The following HEXD variants were observed in gnomAD, a reference collection of about 807,000 sequenced individuals.
The protein encoded by HEXD is hexosaminidase D.
Under a neutral mutation model 54.2 loss-of-function variants are expected in HEXD, and 47 were observed. That is an observed-to-expected ratio of 0.87 (90% CI 0.69 to 1.11). The LOEUF (loss-of-function observed/expected upper bound fraction) is 1.11, where lower values mean the gene tolerates loss of function less well. HEXD is among the 50% of genes least tolerant of loss of function. The probability of loss-of-function intolerance (pLI) is 0.00; values close to 1 mark genes in which losing one functional copy is unlikely to be tolerated. For missense variants in HEXD, 576 were observed against 649.2 expected (o/e 0.89, Z 1.23); for synonymous variants, 293 against 287.6 (o/e 1.02, Z -0.19).
Position 82,424,406 on chromosome 17 carries a change from T to A in HEXD, c.97T>A (p.Phe33Ile). The stretch of plus-strand genomic sequence containing the variant: ...GTTTACCCCCCAGATTTTTCCTCTG[T>A]TCCGTGCGCTAGGTGCAAACGGCCT... ...VSYLSEIFPL[F>I]RALGANGLLI... The change falls in exon 3 of 13, where the codon TTC becomes ATC. Residue 33 changes from phenylalanine (F) to isoleucine (I), a missense_variant. Physicochemically the swap from Phe to Ile is conservative, Grantham distance 21. Transcript: ENST00000327949. 1 of 1,613,752 alleles carries A rather than the reference T, an allele frequency of 6.2e-7. No individual in the cohort carries two copies. The highest frequency in any genetic ancestry group is 1.1e-5 in the South Asian group (1 of 91,072).
At position 82,442,303 on chromosome 17, in the gene HEXD, T is replaced by C. The variant is rs1486044833; in HGVS notation, c.1380T>C (p.Ala460=). The change falls in exon 13 of 13, where the codon GCT becomes GCC. Residue 460 remains alanine (A), a synonymous_variant. Coordinates refer to ENST00000327949, the MANE Select transcript of HEXD (RefSeq NM_001330542.2). This position sits in a 1 kb window ranked among gnomAD's most constrained non-coding sequence, Gnocchi z 6.8. ...NVHPSLQRLQ[A]LLQDLSEVSA... ...ACCCCAGCCTGCAGCGGCTGCAAGC[T>C]CTGCTGCAGGACCTCAGCGAGGTGT... The C allele has an allele frequency of 1.9e-6, 3 of 1,609,462 alleles. No individual in the cohort carries two copies. The highest frequency in any genetic ancestry group is 2.5e-6 in the Non-Finnish European group (3 of 1,179,912).
intron 2 of HEXD, 59 bp from the exon 3 acceptor site, chr17:82,424,335 C>T (rs2053331255): frequency 9.0e-7 from 1 of 1,106,896 alleles, no homozygotes; most frequent in African/African-American, 1.5e-5. Context: ...CTGCTGTGGA[C>T]TTGCCACATC....
intron 8 of HEXD, among the ~76,000 whole-genome samples, chr17:82,438,766 G>A (rs2053845096): frequency 6.6e-6 from 1 of 152,270 alleles, no homozygotes; most frequent in Admixed American, 6.5e-5. Context: ...GGGCCAGCCT[G>A]CTAGAGGGGC....
intron 7 of HEXD, 119 bp from the exon 8 acceptor site, chr17:82,437,049 C>T (rs1360129902): frequency 1.3e-5 from 12 of 895,580 alleles, no homozygotes; most frequent in South Asian, 8.1e-5. Flanking sequence ...CACTGAGACC[C>T]GGGCCTGGCT....
At chr17:82,431,227 C>T (rs958531821) in intron 4 of HEXD, among the ~76,000 whole-genome samples, 4 of 151,942 alleles carry the variant, frequency 2.6e-5, no homozygotes, top group African/African-American at 9.7e-5. Context: ...TGGTCTCGAA[C>T]CCCTGGCCTC....
In HEXD at chr17:82,434,699, G is replaced by A. The variant is rs1036854601; in HGVS notation, c.447+877G>A. Among the ~76,000 whole-genome samples the A allele has an allele frequency of 1.3e-5, 2 of 151,846 alleles. No individual in the cohort carries two copies. Among genetic ancestry groups the A allele is most frequent in the Non-Finnish European group, 2.9e-5 (2 of 67,968 alleles). ...CTAAATATACAAAAATCAGCCGGGC[G>A]TGATGGCGGGCGCCTGTAATCCCAG... On this transcript the variant is annotated intron_variant, in intron 5 of 12. Coordinates refer to ENST00000327949, the MANE Select transcript of HEXD (RefSeq NM_001330542.2). The surrounding 1 kb of genome is among the most constrained non-coding windows in gnomAD (Gnocchi z 4.5).
At chr17:82,428,915 C>T (rs757012485) in intron 4 of HEXD, among the ~76,000 whole-genome samples, 7 of 152,078 alleles carry the variant, frequency 4.6e-5, no homozygotes, top group Non-Finnish European at 1.0e-4. Flanking sequence ...CACTTGTATT[C>T]ATCAGAATAT....
chr17:82,437,189 G>A lies in HEXD; in HGVS notation c.725G>A (p.Arg242Gln), dbSNP rs202145402. The A allele has an allele frequency of 4.6e-4, 730 of 1,595,288 alleles. 1 individual carries two copies. The highest frequency in any genetic ancestry group is 5.7e-4 in the Non-Finnish European group (663 of 1,168,398). ...CCAGTCCTCCTCATGCAGAAGTACCGGCGGTGCGGCTTTCCGCAGCTGTGG... is the reference window on the plus strand; with the variant it reads ...CCAGTCCTCCTCATGCAGAAGTACCAGCGGTGCGGCTTTCCGCAGCTGTGG... ...HGKVLLMQKY[R>Q]RCGFPQLWAA... The change falls in exon 8 of 13, where the codon CGG (arginine) becomes CAG (glutamine). Residue 242 changes from arginine to glutamine, a missense_variant. By Grantham distance (43) the Arg-to-Gln change is conservative (BLOSUM62 1). Coordinates refer to ENST00000327949, the MANE Select transcript of HEXD (RefSeq NM_001330542.2).
chr17:82,437,448 CT>C (rs1425823632), intron 8 of HEXD, 85 bp downstream of exon 8: 1 of 1,248,020 alleles, frequency 8.0e-7, no homozygotes, highest in Non-Finnish European at 1.1e-6. Flanking sequence ...CGCCAAGGGC[CT>C]TCCCAGGTTG....
intron 3 of HEXD, 120 bp downstream of exon 3, chr17:82,424,623 G>A: frequency 1.6e-6 from 1 of 636,566 alleles, no homozygotes; most frequent in Non-Finnish European, 2.8e-6. Flanking sequence ...CTGAACAGTG[G>A]TGGGTACATT....
chr17:82,419,328 C>A (rs2053162455), intron 1 of HEXD, among the ~76,000 whole-genome samples: 1 of 152,134 alleles, frequency 6.6e-6, no homozygotes, highest in African/African-American at 2.4e-5. Context: ...TCTAGAAATA[C>A]AAATTAGTTT....
At chr17:82,441,326 G>A (rs567442655) in intron 11 of HEXD, 60 bp downstream of exon 11, 3 of 1,432,888 alleles carry the variant, frequency 2.1e-6, no homozygotes, top group East Asian at 2.5e-5. Context: ...GCGGGTGCAG[G>A]TGAGGGGGCA....
chr17:82,424,465 G>C lies in HEXD; in HGVS notation c.156G>C (p.Glu52Asp), dbSNP rs375075827. The C allele has an allele frequency of 9.9e-6, 16 of 1,614,016 alleles. No individual in the cohort carries two copies. The African/African-American group carries it at 2.0e-4, about 20-fold the overall frequency. Residue 52 changes from glutamate to aspartate, a missense_variant, in exon 3 of 13, where the codon GAG becomes GAC. By Grantham distance (45) the Glu-to-Asp change is conservative (BLOSUM62 2). Coordinates refer to ENST00000327949, the MANE Select transcript of HEXD (RefSeq NM_001330542.2). ...AGTATGAAGACATGTTTCCCTACGA[G>C]GGCCCTCTGAGGCTGCTGAGGGCCA... ...LIEYEDMFPYEGPLRLLRAKY... is the reference protein window; with the variant it reads ...LIEYEDMFPYDGPLRLLRAKY...
intron 2 of HEXD, 185 bp downstream of exon 2, chr17:82,420,068 C>A: frequency 2.6e-6 from 1 of 380,044 alleles, no homozygotes; most frequent in Non-Finnish European, 4.7e-6. Flanking sequence ...ACAGAACAAC[C>A]AGGATGACAA....
At chr17:82,430,644 C>T (rs571739694) in intron 4 of HEXD, among the ~76,000 whole-genome samples, 16 of 152,312 alleles carry the variant, frequency 1.1e-4, no homozygotes, top group African/African-American at 3.8e-4. Flanking sequence ...CTGCGTCGGC[C>T]TCTCAAAGTA....
chr17:82,439,592 G>A (rs761337154), intron 8 of HEXD, 39 bp from the exon 9 acceptor site: 4 of 1,508,628 alleles, frequency 2.7e-6, no homozygotes, highest in East Asian at 2.3e-5. Flanking sequence ...GGCTGCTGGG[G>A]GCGGGCTGCG....
At chr17:82,438,293 G>C (rs186641825) in intron 8 of HEXD, among the ~76,000 whole-genome samples, 1 of 152,202 alleles carries the variant, frequency 6.6e-6, no homozygotes, top group Non-Finnish European at 1.5e-5. Context: ...GGACATTTCA[G>C]TGTGTAGCCT....
chr17:82,433,561 G>A (rs919593817), intron 4 of HEXD, 97 bp from the exon 5 acceptor site: 2 of 1,279,832 alleles, frequency 1.6e-6, no homozygotes, highest in Non-Finnish European at 2.1e-6. Flanking sequence ...TAATTTTTTT[G>A]TATTATCTGT....
At chr17:82,422,917 C>T (rs528715877) in intron 2 of HEXD, among the ~76,000 whole-genome samples, 3 of 152,072 alleles carry the variant, frequency 2.0e-5, no homozygotes, top group South Asian at 4.2e-4. Context: ...ATTAGCCAGG[C>T]GTGGTGTCAG....
Sources: gnomAD v4.1 joint callset for allele counts (sites outside exome capture counted in the v4.1 genomes callset) on GRCh38, gnomAD v4.1.1 for gene constraint, Gnocchi (gnomAD v3.1) non-coding constraint, MANE v1.5 for transcripts, NCBI Gene and HGNC (gene_info 2026-07-23, HGNC 2026-07-21) for gene names.